The following LRP5 variants were observed in gnomAD, a reference collection of about 807,000 sequenced individuals.
LRP5 encodes LDL receptor related protein 5, also known as low-density lipoprotein receptor-related protein 5.
In LRP5, 62 loss-of-function variants were observed where a neutral mutation model predicts 154.1. The observed-to-expected ratio is 0.40, with a 90% CI of 0.33 to 0.50. The LOEUF is 0.50. LRP5 is among the 20% of genes least tolerant of loss of function. The pLI, the probability that LRP5 is intolerant of heterozygous loss-of-function variation, is 0.55. For missense variants in LRP5, 1,915 were observed against 2,336.7 expected, an observed-to-expected ratio of 0.82 and a Z score of 3.72; for synonymous variants, 966 against 1,011.5, an observed-to-expected ratio of 0.96 and a Z score of 0.85.
At position 68,409,051 on chromosome 11, in the gene LRP5, GAAAAAAAAAAAA is replaced by G. The variant is rs57069059; in HGVS notation, c.2092-851_2092-840del. ...AGCGACAGAGCAAGACTTATCTGGG[GAAAAAAAAAAAA>G]AAAAAAAAAAATATATATATATATA... On this transcript the variant is annotated intron_variant, in intron 9 of 22. Coordinates refer to ENST00000294304, the MANE Select transcript of LRP5 (RefSeq NM_002335.4). Among the ~76,000 whole-genome samples the G allele has an allele frequency of 2.5e-4, 13 of 51,416 alleles. 1 individual carries two copies. Among genetic ancestry groups the G allele is most frequent in the African/African-American group, 1.0e-3 (11 of 11,008 alleles). The allele number at this position is 51,416 out of a possible 152,430, so 33.7% of individuals were successfully genotyped here.
intron 2 of LRP5, among the ~76,000 whole-genome samples, chr11:68,350,899 T>C (rs778027341): frequency 6.6e-6 from 1 of 152,056 alleles, no homozygotes; most frequent in Non-Finnish European, 1.5e-5. Flanking sequence ...AGCGTGTGTG[T>C]GTGTGTGTGC....
rs78905734 is a variant in LRP5, at chr11:68,433,572, G to A, written c.3764-30G>A. The A allele has an allele frequency of 0.019, 29,424 of 1,582,500 alleles. 505 individuals carry two copies. The highest frequency in any genetic ancestry group is 0.092 in the East Asian group (4,104 of 44,732). ...CCTGGGTTTTGCTGGGCGGGGCTGC[G>A]TGTGATGTTCTCCTCTGTCCCTCCC... On this transcript the variant is annotated intron_variant, in intron 17 of 22. Transcript: ENST00000294304.
chr11:68,439,612 G>T (rs113248104), intron 20 of LRP5, among the ~76,000 whole-genome samples, 165 bp from the exon 21 acceptor site: 47 of 152,304 alleles, frequency 3.1e-4, no homozygotes, highest in African/African-American at 1.1e-3. Context: ...TCTAGTAGTG[G>T]CCAGAGAGGC....
chr11:68,377,040 G>C (rs1297703789), intron 5 of LRP5, among the ~76,000 whole-genome samples: 1 of 152,174 alleles, frequency 6.6e-6, no homozygotes, highest in Non-Finnish European at 1.5e-5. Flanking sequence ...CAGCACTTTA[G>C]GAACTCCTCA....
At chr11:68,402,906 A>C in intron 7 of LRP5, among the ~76,000 whole-genome samples, 1 of 152,124 alleles carries the variant, frequency 6.6e-6, no homozygotes, top group East Asian at 1.9e-4. Context: ...AGGGATCCTC[A>C]GCTGGCCCTG....
intron 21 of LRP5, among the ~76,000 whole-genome samples, chr11:68,443,570 TATATATATATA>T (rs1350997467): frequency 1.2e-3 from 48 of 39,956 alleles, no homozygotes; most frequent in African/African-American, 2.3e-3. Context: ...TATATATATA[TATATATATATA>T]TATATTTTTT....
At chr11:68,357,955 G>C in intron 3 of LRP5, 108 bp downstream of exon 3, 6 of 1,094,892 alleles carry the variant, frequency 5.5e-6, no homozygotes, top group Non-Finnish European at 8.1e-6. Flanking sequence ...AAACTCTGGG[G>C]CCCTGAGGAA....
chr11:68,335,082 T>TC (rs1247185981), intron 1 of LRP5, among the ~76,000 whole-genome samples: 2 of 151,224 alleles, frequency 1.3e-5, no homozygotes, highest in African/African-American at 4.9e-5. Flanking sequence ...GGCTTTTTTT[T>TC]TTTTTTTTTT....
intron 5 of LRP5, among the ~76,000 whole-genome samples, chr11:68,370,368 A>G (rs757801361): frequency 8.0e-5 from 12 of 150,140 alleles, no homozygotes; most frequent in Non-Finnish European, 1.5e-4. Flanking sequence ...AGAGGGGGGG[A>G]CAGGCCCTGT....
At chr11:68,351,303 G>A (rs1254581837) in intron 2 of LRP5, among the ~76,000 whole-genome samples, 1 of 152,038 alleles carries the variant, frequency 6.6e-6, no homozygotes. Flanking sequence ...GCAGCTGCCG[G>A]GGAGCCAGCT....
At chr11:68,330,043 C>T (rs1170844382) in intron 1 of LRP5, among the ~76,000 whole-genome samples, 1 of 152,220 alleles carries the variant, frequency 6.6e-6, no homozygotes, top group Non-Finnish European at 1.5e-5. Flanking sequence ...AATCAAATGT[C>T]ATATTCCCTA....
At chr11:68,342,861 G>C (rs2098609927) in intron 1 of LRP5, among the ~76,000 whole-genome samples, 1 of 152,272 alleles carries the variant, frequency 6.6e-6, no homozygotes, top group African/African-American at 2.4e-5. Context: ...TTTCCAGTTT[G>C]GGGAGAAGCA....
At chr11:68,365,420 C>A (rs1471673469) in intron 4 of LRP5, 151 bp from the exon 5 acceptor site, 13 of 1,095,828 alleles carry the variant, frequency 1.2e-5, no homozygotes, top group Non-Finnish European at 1.6e-5. Context: ...ATGGTGCCAG[C>A]GGGGAGGTCC....
intron 8 of LRP5, chr11:68,403,924 G>A (rs2098654108): frequency 1.6e-6 from 1 of 606,674 alleles, no homozygotes; most frequent in East Asian, 2.8e-5. Flanking sequence ...TGGTTAGAAA[G>A]TGACTAACAT....
chr11:68,430,219 G>A (rs1011828941), intron 17 of LRP5, among the ~76,000 whole-genome samples: 3 of 152,214 alleles, frequency 2.0e-5, no homozygotes, highest in African/African-American at 7.2e-5. Flanking sequence ...TGTCACTCAG[G>A]CTGGAGTGCA....
At chr11:68,312,928 TGG>T in intron 1 of LRP5, 123 bp downstream of exon 1, 1 of 393,472 alleles carries the variant, frequency 2.5e-6, no homozygotes, top group Non-Finnish European at 3.5e-6. Flanking sequence ...GGGAGCGAGT[TGG>T]GGCGCGCGCC....
chr11:68,416,916 A>G (rs984594373), intron 13 of LRP5, among the ~76,000 whole-genome samples: 1 of 152,230 alleles, frequency 6.6e-6, no homozygotes, highest in African/African-American at 2.4e-5. Context: ...CTTCTGAAAG[A>G]CACCTATGCA....
intron 1 of LRP5, among the ~76,000 whole-genome samples, chr11:68,327,273 C>T (rs634008): frequency 0.48 from 73,091 of 152,016 alleles, 20,135 homozygotes; most frequent in South Asian, 0.82. Flanking sequence ...CTCACAGTCT[C>T]GGGGACGGAG....
chr11:68,341,919 C>T (rs1174342069), intron 1 of LRP5, among the ~76,000 whole-genome samples: 3 of 152,132 alleles, frequency 2.0e-5, no homozygotes, highest in East Asian at 3.9e-4. Context: ...CCATTCAGGC[C>T]GTGTCCTGGG....
Sources: gnomAD v4.1 joint callset for allele counts (sites outside exome capture counted in the v4.1 genomes callset) on GRCh38, gnomAD v4.1.1 for gene constraint, MANE v1.5 for transcripts, NCBI Gene and HGNC (gene_info 2026-07-23, HGNC 2026-07-21) for gene names.